ANK1: variants seen among roughly 807,000 people sequenced by gnomAD.
ANK1 encodes ankyrin 1.
ANK1 carries 51 observed loss-of-function variants against 210.4 expected under a neutral mutation model. The ratio of observed to expected loss-of-function variants is 0.24; its 90% confidence interval spans 0.19 to 0.31. The LOEUF (loss-of-function observed/expected upper bound fraction) is 0.31. Ranked by LOEUF, ANK1 falls within the 10% of genes least tolerant of loss-of-function variation. ANK1 has a pLI of 1.00. For synonymous variants in ANK1, 967 were observed against 1,025.9 expected (o/e 0.94, Z 1.10); for missense variants, 2,051 against 2,504.4 (o/e 0.82, Z 3.86).
intron 16 of ANK1, among the ~76,000 whole-genome samples, chr8:41,712,998 C>T (rs547682965): frequency 7.2e-5 from 11 of 152,242 alleles, no homozygotes; most frequent in Admixed American, 4.6e-4. Context: ...TGTCGGGAGC[C>T]GGCGTCTGTA....
upstream of ANK1, among the ~76,000 whole-genome samples, chr8:41,800,453 C>T (rs887892035): frequency 1.4e-4 from 21 of 152,138 alleles, no homozygotes; most frequent in Non-Finnish European, 7.3e-5. Flanking sequence ...ATTAGATTAA[C>T]GCTTTAATTC....
chr8:41,854,939 C>A (rs1208639930), intron 1 of ANK1, among the ~76,000 whole-genome samples: 1 of 145,702 alleles, frequency 6.9e-6, no homozygotes, highest in Non-Finnish European at 1.5e-5. Context: ...TAGAATGCAA[C>A]CCTATCTCAA....
intron 1 of ANK1, among the ~76,000 whole-genome samples, chr8:41,794,769 A>G (rs565536969): frequency 6.6e-6 from 1 of 152,206 alleles, no homozygotes; most frequent in African/African-American, 2.4e-5. Context: ...CAGTGGCACC[A>G]TCTCGGCTTA....
At chr8:41,795,961 C>T (rs942659150) in intron 1 of ANK1, among the ~76,000 whole-genome samples, 4 of 152,172 alleles carry the variant, frequency 2.6e-5, no homozygotes, top group Non-Finnish European at 5.9e-5. Context: ...TCTATGGACA[C>T]CCCAAATACC....
intron 9 of ANK1, among the ~76,000 whole-genome samples, chr8:41,722,910 G>A (rs558695008): frequency 6.6e-6 from 1 of 152,244 alleles, no homozygotes; most frequent in South Asian, 2.1e-4. Flanking sequence ...CTCATACCTG[G>A]TCCTTTAGAT....
At chr8:41,786,047 C>T (rs1344910208) in intron 1 of ANK1, among the ~76,000 whole-genome samples, 1 of 152,250 alleles carries the variant, frequency 6.6e-6, no homozygotes. Context: ...TGATTCCCTC[C>T]GATGCAGTTT....
At chr8:41,784,162 A>G (rs967431178) in intron 1 of ANK1, among the ~76,000 whole-genome samples, 3 of 151,974 alleles carry the variant, frequency 2.0e-5, no homozygotes, top group African/African-American at 4.8e-5. Flanking sequence ...TATTTCCCCC[A>G]CATAACACAC....
chr8:41,824,956 T>A (rs1029222349), intron 1 of ANK1, among the ~76,000 whole-genome samples: 1 of 152,198 alleles, frequency 6.6e-6, no homozygotes, highest in Admixed American at 6.5e-5. Flanking sequence ...AGGGCCCCCA[T>A]TTCTTGCCTT....
intron 1 of ANK1, among the ~76,000 whole-genome samples, chr8:41,803,084 GGAAGGA>G (rs1334410020): frequency 3.7e-4 from 23 of 62,708 alleles, no homozygotes; most frequent in African/African-American, 1.4e-3. Flanking sequence ...AGGAAGGAAG[GGAAGGA>G]AAGGAAAGGA....
chr8:41,731,508 GT>G (rs1035393121), intron 3 of ANK1, among the ~76,000 whole-genome samples: 68 of 152,134 alleles, frequency 4.5e-4, no homozygotes, highest in African/African-American at 1.5e-3. Flanking sequence ...GAATGCGTTT[GT>G]TTTGTGCTTT....
At chr8:41,671,193 C>T (rs1290666845) in intron 38 of ANK1, among the ~76,000 whole-genome samples, 2 of 152,140 alleles carry the variant, frequency 1.3e-5, no homozygotes, top group Non-Finnish European at 2.9e-5. Context: ...GTGCGGGAAG[C>T]GTGGGGAAGA....
intron 2 of ANK1, among the ~76,000 whole-genome samples, chr8:41,735,877 A>G (rs1262281244): frequency 6.6e-6 from 1 of 152,180 alleles, no homozygotes; most frequent in East Asian, 1.9e-4. Flanking sequence ...TGCAAAGGGA[A>G]CATTACCTAC....
At chr8:41,885,772 C>A (rs535321025) in intron 1 of ANK1, among the ~76,000 whole-genome samples, 2 of 152,346 alleles carry the variant, frequency 1.3e-5, no homozygotes, top group South Asian at 4.1e-4. Flanking sequence ...AATCTCTATG[C>A]CGCAGGAGAA....
At chr8:41,707,588 A>G (rs1327854666) in intron 17 of ANK1, among the ~76,000 whole-genome samples, 1 of 152,222 alleles carries the variant, frequency 6.6e-6, no homozygotes. Flanking sequence ...GCTCTGCCTC[A>G]TTCTTGAGCT....
At position 41,715,798 on chromosome 8, in the gene ANK1, CCAT is replaced by C. The variant is rs746665992; in HGVS notation, c.1453_1455del (p.Met485del). On this transcript the variant is annotated inframe_deletion, in exon 14 of 43. Coordinates refer to ENST00000289734, the MANE Select transcript of ANK1 (RefSeq NM_000037.4). Reference sequence around the variant, plus strand: ...GCGTTATTTTCCAGCAGGAGCTTCACCATGTTTGTGTGGCCGATGCGAGCTGCA... The same window carrying C: ...GCGTTATTTTCCAGCAGGAGCTTCACGTTTGTGTGGCCGATGCGAGCTGCA... The C allele has an allele frequency of 6.2e-7, 1 of 1,614,216 alleles. No homozygotes were observed. Among genetic ancestry groups the C allele is most frequent in the Admixed American group, 1.7e-5 (1 of 60,030 alleles).
chr8:41,766,925 C>A (rs905204724), intron 1 of ANK1, among the ~76,000 whole-genome samples: 2 of 152,158 alleles, frequency 1.3e-5, no homozygotes, highest in Admixed American at 1.3e-4. Context: ...GGCCCAAGGC[C>A]GTGCATCTCC....
At chr8:41,803,983 T>C (rs1850558170) in intron 1 of ANK1, among the ~76,000 whole-genome samples, 1 of 152,210 alleles carries the variant, frequency 6.6e-6, no homozygotes. Flanking sequence ...TTATTTTAAT[T>C]TGCTACTGCT....
intron 9 of ANK1, among the ~76,000 whole-genome samples, chr8:41,721,384 CTG>C (rs1445899119): frequency 6.6e-6 from 1 of 152,160 alleles, no homozygotes; most frequent in Non-Finnish European, 1.5e-5. Context: ...CTGCCAGGCA[CTG>C]TAGCTCACCC....
chr8:41,707,629 G>A (rs772375878), intron 17 of ANK1, among the ~76,000 whole-genome samples: 5 of 152,370 alleles, frequency 3.3e-5, no homozygotes, highest in Middle Eastern at 3.4e-3. Context: ...TGAGGGCGGC[G>A]TGCGGATGAC....
Sources: allele counts gnomAD v4.1 joint callset (sites outside exome capture counted in the v4.1 genomes callset), GRCh38; gene constraint gnomAD v4.1.1; transcripts MANE v1.5; gene names NCBI Gene and HGNC (gene_info 2026-07-23, HGNC 2026-07-21).